PAIP2: variants seen among roughly 807,000 people sequenced by gnomAD.
The protein encoded by PAIP2 is polyadenylate-binding protein-interacting protein 2.
In PAIP2, 7 loss-of-function variants were observed where a neutral mutation model predicts 14.8. That is an observed-to-expected ratio of 0.47 (90% CI 0.27 to 0.89). The LOEUF is 0.89. Ranked by LOEUF, PAIP2 falls within the 40% of genes least tolerant of loss-of-function variation. PAIP2 has a pLI of 0.13. For missense variants in PAIP2, 122 were observed against 154.7 expected (o/e 0.79, Z 1.12); for synonymous variants, 47 against 45.3 (o/e 1.04, Z -0.15).
At chr5:139,358,478 A>C (rs897516689) in intron 1 of PAIP2, among the ~76,000 whole-genome samples, 2 of 152,184 alleles carry the variant, frequency 1.3e-5, no homozygotes, top group Non-Finnish European at 2.9e-5. Flanking sequence ...ACAGTTGAAA[A>C]TGTATAGCTA....
chr5:139,362,942 C>T (rs1435241368), intron 1 of PAIP2, among the ~76,000 whole-genome samples: 4 of 152,010 alleles, frequency 2.6e-5, no homozygotes, highest in African/African-American at 9.7e-5. Context: ...TTACTGTTAT[C>T]GGAAAACATT....
At chr5:139,352,178 A>C (rs1393706965) in intron 1 of PAIP2, among the ~76,000 whole-genome samples, 3 of 147,928 alleles carry the variant, frequency 2.0e-5, no homozygotes, top group East Asian at 3.9e-4. Flanking sequence ...TGAAAAAAAA[A>C]AAAACACCAA....
intron 3 of PAIP2, among the ~76,000 whole-genome samples, chr5:139,368,080 A>C (rs1372452243): frequency 6.6e-6 from 1 of 152,230 alleles, no homozygotes; most frequent in Non-Finnish European, 1.5e-5. Flanking sequence ...TTACGCCTGT[A>C]ATCCCAGCAC....
chr5:139,365,671 AAAAAAGG>A (rs1229950762), intron 3 of PAIP2, among the ~76,000 whole-genome samples: 2 of 152,112 alleles, frequency 1.3e-5, no homozygotes. Flanking sequence ...CTCAAAAAAA[AAAAAAGG>A]AAAAAGGAAT....
At chr5:139,362,870 T>C (rs1448204825) in intron 1 of PAIP2, among the ~76,000 whole-genome samples, 1 of 152,162 alleles carries the variant, frequency 6.6e-6, no homozygotes. Context: ...GCAAGTGATA[T>C]GTAATATAAA....
chr5:139,343,255 CT>C (rs1180035074), intron 1 of PAIP2: 1 of 152,154 alleles, frequency 6.6e-6, no homozygotes, highest in Non-Finnish European at 1.5e-5. Context: ...TTGAATAAAA[CT>C]TTTTCACACA....
At chr5:139,356,890 A>G (rs1201482613) in intron 1 of PAIP2, among the ~76,000 whole-genome samples, 7 of 40,968 alleles carry the variant, frequency 1.7e-4, no homozygotes, top group Non-Finnish European at 5.3e-4. Context: ...CTGTCTCCAG[A>G]AAAAAAAAAA....
At position 139,341,874 on chromosome 5, in the gene PAIP2, G is replaced by C. The variant is rs1054798522; in HGVS notation, c.-133G>C. The C allele has an allele frequency of 1.3e-5, 2 of 152,850 alleles. No homozygotes were observed. The highest frequency in any genetic ancestry group is 4.8e-5 in the African/African-American group (2 of 41,456). The allele number at this position is 152,850 out of a possible 1,614,324, so 9.5% of individuals were successfully genotyped here. A position where few individuals can be genotyped will look rare whatever the true frequency, so the allele number is the denominator to read the frequency against. ...GGGGTGTTTGTTTGGACTGGAGAAGGGAGGCGGCGGGCGAAGCGCACGTCG... is the reference window on the plus strand; with the variant it reads ...GGGGTGTTTGTTTGGACTGGAGAAGCGAGGCGGCGGGCGAAGCGCACGTCG... On this transcript the variant is annotated 5_prime_UTR_variant, in exon 1 of 4. Coordinates refer to ENST00000265192, the MANE Select transcript of PAIP2 (RefSeq NM_016480.5).
At chr5:139,362,403 G>GTTTTTT (rs1757092680) in intron 1 of PAIP2, among the ~76,000 whole-genome samples, 1 of 123,600 alleles carries the variant, frequency 8.1e-6, no homozygotes, top group African/African-American at 3.1e-5. Flanking sequence ...TTGTTTTTGG[G>GTTTTTT]TGTTTTTTTT....
intron 1 of PAIP2, among the ~76,000 whole-genome samples, chr5:139,360,101 G>A (rs1400270807): frequency 6.6e-6 from 1 of 151,706 alleles, no homozygotes; most frequent in African/African-American, 2.4e-5. Context: ...CAAGTAGCTG[G>A]GACTACAGGT....
chr5:139,367,526 C>G (rs916151931), intron 3 of PAIP2: 2 of 151,408 alleles, frequency 1.3e-5, no homozygotes, highest in African/African-American at 4.9e-5. Flanking sequence ...AGAAAGGTGA[C>G]TTATCTGAGT....
intron 2 of PAIP2, 78 bp from the exon 3 acceptor site, chr5:139,364,485 GT>G: frequency 1.2e-6 from 1 of 814,240 alleles, no homozygotes. Context: ...CCTTTAAATG[GT>G]TTAGTTCAAG....
At chr5:139,344,256 T>C (rs1756469986) in intron 1 of PAIP2, among the ~76,000 whole-genome samples, 1 of 152,206 alleles carries the variant, frequency 6.6e-6, no homozygotes, top group Non-Finnish European at 1.5e-5. Flanking sequence ...TTAACCATTA[T>C]GTGGTGCTGT....
intron 1 of PAIP2, among the ~76,000 whole-genome samples, chr5:139,352,575 G>A (rs917385170): frequency 3.4e-5 from 5 of 145,258 alleles, no homozygotes; most frequent in African/African-American, 1.3e-4. Context: ...TTGGCTCACC[G>A]CAACCTCTGC....
intron 1 of PAIP2, among the ~76,000 whole-genome samples, chr5:139,349,834 T>A (rs1756672609): frequency 1.3e-5 from 2 of 151,822 alleles, no homozygotes. Context: ...AAACCCCGTT[T>A]CTACTAAAAA....
chr5:139,364,516 G>A (rs1214860942), intron 2 of PAIP2, 48 bp from the exon 3 acceptor site: 1 of 1,131,014 alleles, frequency 8.8e-7, no homozygotes, highest in East Asian at 2.4e-5. Flanking sequence ...GCCATTCCTA[G>A]TGATATCTAC....
intron 1 of PAIP2, among the ~76,000 whole-genome samples, chr5:139,346,047 C>T (rs1756535385): frequency 6.6e-6 from 1 of 152,002 alleles, no homozygotes; most frequent in Non-Finnish European, 1.5e-5. Context: ...TGCTGGAAAC[C>T]AATATGTCTA....
At chr5:139,362,408 T>C (rs1254051409) in intron 1 of PAIP2, among the ~76,000 whole-genome samples, 1 of 143,046 alleles carries the variant, frequency 7.0e-6, no homozygotes, top group African/African-American at 2.7e-5. Flanking sequence ...TTTGGGTGTT[T>C]TTTTTTTTTT....
chr5:139,357,614 C>T (rs931338501), intron 1 of PAIP2, among the ~76,000 whole-genome samples: 13 of 152,092 alleles, frequency 8.5e-5, no homozygotes, highest in African/African-American at 1.4e-4. Flanking sequence ...GGGCGGATCA[C>T]GAGGTCAAGA....
Sources: allele counts gnomAD v4.1 joint callset (sites outside exome capture counted in the v4.1 genomes callset), GRCh38; gene constraint gnomAD v4.1.1; transcripts MANE v1.5; gene names NCBI Gene and HGNC (gene_info 2026-07-23, HGNC 2026-07-21).